ITGA6: variants seen among roughly 807,000 people sequenced by gnomAD.
The protein encoded by ITGA6 is integrin subunit alpha 6, also known as integrin alpha-6.
A neutral mutation model predicts 133.6 loss-of-function variants in ITGA6; 63 were observed. The observed-to-expected ratio is 0.47, with a 90% CI of 0.38 to 0.58. ITGA6 has a LOEUF of 0.58. Among genes scored for constraint, ITGA6 ranks in the 20% least tolerant of loss-of-function variants. The probability of loss-of-function intolerance (pLI) is 0.00; values close to 1 mark genes in which losing one functional copy is unlikely to be tolerated. For missense variants in ITGA6, 1,068 were observed against 1,309.4 expected (o/e 0.82, Z 2.85); for synonymous variants, 434 against 482.0 (o/e 0.90, Z 1.30).
intron 1 of ITGA6, among the ~76,000 whole-genome samples, chr2:172,434,987 C>T (rs1684256120): frequency 2.0e-5 from 3 of 150,928 alleles, no homozygotes; most frequent in Admixed American, 2.0e-4. Flanking sequence ...GTGGTTTCTT[C>T]ATTTTGAAAA....
At chr2:172,472,203 A>G (rs1169122406) in intron 5 of ITGA6, among the ~76,000 whole-genome samples, 1 of 152,204 alleles carries the variant, frequency 6.6e-6, no homozygotes, top group African/African-American at 2.4e-5. Flanking sequence ...ACACATCTGT[A>G]GTCCCAGCTA....
In ITGA6 at chr2:172,467,517, TG is replaced by T; in HGVS notation, c.349del (p.Val117SerfsTer13). 1.9e-6 allele frequency: 3 copies of T among 1,613,740 alleles called. No homozygotes were observed. Among genetic ancestry groups the T allele is most frequent in the Non-Finnish European group, 2.5e-6 (3 of 1,179,758 alleles). On this transcript the variant is annotated frameshift_variant, in exon 3 of 26. Coordinates refer to ENST00000684293, the MANE Select transcript of ITGA6 (RefSeq NM_000210.4). LOFTEE classifies it high-confidence loss of function. ...TCAGAAAGCAAGGAAGATCAGTGGA[TG>T]GGGGTCACCGTCCAGAGCCAAGGTC... ...PTSESKEDQW[M>X]GVTVQSQGPG...
At chr2:172,489,452 T>A in intron 19 of ITGA6, 33 bp from the exon 20 acceptor site, 1 of 1,521,576 alleles carries the variant, frequency 6.6e-7, no homozygotes, top group Non-Finnish European at 9.1e-7. Flanking sequence ...TTGAGAAGAT[T>A]AGACTGAGAT....
At chr2:172,431,831 CA>C (rs985233666) in intron 1 of ITGA6, among the ~76,000 whole-genome samples, 9 of 151,980 alleles carry the variant, frequency 5.9e-5, no homozygotes, top group Non-Finnish European at 1.3e-4. Flanking sequence ...CAAGTAATGA[CA>C]GGGTTGGGGA....
chr2:172,486,756 G>C (rs925487320), intron 13 of ITGA6, among the ~76,000 whole-genome samples: 1 of 152,160 alleles, frequency 6.6e-6, no homozygotes, highest in Non-Finnish European at 1.5e-5. Flanking sequence ...GTAGAGCTGC[G>C]TTTCAAACCC....
In ITGA6 at chr2:172,501,907, T is replaced by C. The variant is rs1439991818; in HGVS notation, c.*22+6T>C. On this transcript the variant is annotated splice_donor_region_variant and intron_variant, in intron 25 of 25. Transcript: ENST00000684293. ...TTGATCTACTTCTGTAATTGGTAAT[T>C]GATCAATGTTTTTTAATTGCTAGCT... 30 of 1,609,706 alleles carry C rather than the reference T, an allele frequency of 1.9e-5. No homozygotes were observed. Among genetic ancestry groups the C allele is most frequent in the Non-Finnish European group, 2.5e-5 (30 of 1,178,700 alleles).
Position 172,427,823 on chromosome 2 carries a change from T to G in ITGA6, c.35T>G (p.Leu12Arg), listed in dbSNP as rs1574301733. The G allele has an allele frequency of 1.2e-6, 2 of 1,603,112 alleles. No homozygotes were observed. Among genetic ancestry groups the G allele is most frequent in the Non-Finnish European group, 1.7e-6 (2 of 1,175,608 alleles). ...AAAGQLCLLY[L>R]SAGLLSRLGA... ...GCCGGGCAGCTGTGCTTGCTCTACCTGTCGGCGGGGCTCCTGTCCCGGCTC... is the reference window on the plus strand; with the variant it reads ...GCCGGGCAGCTGTGCTTGCTCTACCGGTCGGCGGGGCTCCTGTCCCGGCTC... The change falls in exon 1 of 26, where the codon CTG becomes CGG. Residue 12 changes from leucine to arginine, a missense_variant. By Grantham distance (102) the Leu-to-Arg change is moderately radical. This residue lies in a region of ITGA6 where 142 missense variants were observed against 145.3 expected (regional missense o/e 0.98). Coordinates refer to ENST00000684293, the MANE Select transcript of ITGA6 (RefSeq NM_000210.4).
chr2:172,474,111 T>G lies in ITGA6; in HGVS notation c.832T>G (p.Ser278Ala). 1.9e-6 allele frequency: 3 copies of G among 1,614,010 alleles called. No homozygotes were observed. In the East Asian group the frequency reaches 6.7e-5, roughly 36 times the overall value. Residue 278 changes from serine (S) to alanine (A), a missense_variant, in exon 6 of 26, where the codon TCT becomes GCT. By Grantham distance (99) the Ser-to-Ala change is moderately conservative. Coordinates refer to ENST00000684293, the MANE Select transcript of ITGA6 (RefSeq NM_000210.4). Reference sequence around the variant, plus strand: ...TTCTAAAGATGAGATCACTTTTGTATCTGGTGCTCCCAGAGCCAATCACAG... The same window carrying G: ...TTCTAAAGATGAGATCACTTTTGTAGCTGGTGCTCCCAGAGCCAATCACAG... ...IVSKDEITFV[S>A]GAPRANHSGA...
intron 1 of ITGA6, among the ~76,000 whole-genome samples, chr2:172,446,990 C>A (rs1684793499): frequency 6.6e-6 from 1 of 151,922 alleles, no homozygotes; most frequent in Non-Finnish European, 1.5e-5. Context: ...CTCCACCACC[C>A]AGGTCCAAGC....
chr2:172,468,918 C>T, intron 3 of ITGA6: 1 of 561,524 alleles, frequency 1.8e-6, no homozygotes, highest in South Asian at 2.2e-5. Flanking sequence ...GAATAAGGCA[C>T]ATTCTAGTTT....
chr2:172,451,347 C>T (rs1684991552), intron 1 of ITGA6, among the ~76,000 whole-genome samples: 1 of 147,724 alleles, frequency 6.8e-6, no homozygotes, highest in African/African-American at 2.5e-5. Flanking sequence ...CACCTGTAAT[C>T]CCAGCTACTC....
At chr2:172,470,098 G>T (rs6743724) in intron 4 of ITGA6, among the ~76,000 whole-genome samples, 67,109 of 151,990 alleles carry the variant, frequency 0.44, 16,530 homozygotes, top group East Asian at 0.83. Flanking sequence ...TTTGAGAAAT[G>T]TATTAATAAT....
intron 1 of ITGA6, among the ~76,000 whole-genome samples, chr2:172,434,663 A>G (rs1684244054): frequency 6.6e-6 from 1 of 152,024 alleles, no homozygotes; most frequent in Non-Finnish European, 1.5e-5. Context: ...GTACCACTAA[A>G]CGCAAGTCAC....
At chr2:172,503,830 G>A (rs1687446737) in intron 25 of ITGA6, 1 of 260,582 alleles carries the variant, frequency 3.8e-6, no homozygotes, top group African/African-American at 2.2e-5. Context: ...TTAGTAAAGA[G>A]GTAGCCTACA....
chr2:172,489,465 T>C lies in ITGA6; in HGVS notation c.2506-20T>C. 4 of 1,575,968 alleles carry C rather than the reference T, an allele frequency of 2.5e-6. No homozygotes were observed. Among genetic ancestry groups the C allele is most frequent in the Non-Finnish European group, 3.5e-6 (4 of 1,145,370 alleles). ...CATTGAGAAGATTAGACTGAGATAA[T>C]ATGTATTATTTTCTAACAGGTAATA... On this transcript the variant is annotated intron_variant, in intron 19 of 25. Transcript: ENST00000684293.
chr2:172,448,151 G>A (rs973039629), intron 1 of ITGA6, among the ~76,000 whole-genome samples: 3 of 152,184 alleles, frequency 2.0e-5, no homozygotes, highest in African/African-American at 7.2e-5. Flanking sequence ...GGATAAAATT[G>A]CTGGTCTTGT....
rs748943013 is a variant in ITGA6 at position 172,474,069 on chromosome 2, T to C, written c.790T>C (p.Ser264Pro). The C allele has an allele frequency of 3.7e-6, 6 of 1,612,946 alleles. No homozygotes were observed. Among genetic ancestry groups the C allele is most frequent in the Non-Finnish European group, 5.1e-6 (6 of 1,179,802 alleles). Reference protein sequence around the residue: ...ANSYLGFSLDSGKGIVSKDEI... With the variant: ...ANSYLGFSLDPGKGIVSKDEI... ...TGTTTTTCTAGGTTTTTCTTTGGAC[T>C]CAGGGAAAGGTATTGTTTCTAAAGA... Residue 264 changes from serine to proline, a missense_variant, in exon 6 of 26, where the codon TCA becomes CCA. By Grantham distance (74) the Ser-to-Pro change is moderately conservative (BLOSUM62 -1). Coordinates refer to ENST00000684293, the MANE Select transcript of ITGA6 (RefSeq NM_000210.4).
At chr2:172,465,493 C>T (rs752571173) in intron 1 of ITGA6, 46 bp from the exon 2 acceptor site, 8 of 1,609,920 alleles carry the variant, frequency 5.0e-6, no homozygotes, top group South Asian at 4.4e-5. Context: ...AACTGTTAAA[C>T]GTATATTAAA....
In ITGA6 at chr2:172,486,001, A is replaced by AC. The variant is rs555183756; in HGVS notation, c.1854+741dup. Reference sequence around the variant, plus strand: ...AGACCAGCCTGGCCAACATGGTGAAACCCCGTCTCTAGTGAAAATACAAAA... The same window carrying AC: ...AGACCAGCCTGGCCAACATGGTGAAACCCCCGTCTCTAGTGAAAATACAAAA... On this transcript the variant is annotated intron_variant, in intron 13 of 25. Transcript: ENST00000684293. Among the ~76,000 whole-genome samples, 13 of 152,044 alleles carry AC rather than the reference A, an allele frequency of 8.6e-5. No homozygotes were observed. The East Asian group carries it at 2.3e-3, about 27-fold the overall frequency.
Sources: gnomAD v4.1 joint callset for allele counts (sites outside exome capture counted in the v4.1 genomes callset) on GRCh38, gnomAD v4.1.1 for gene constraint, gnomAD v4.1.1 regional missense constraint, MANE v1.5 for transcripts, NCBI Gene and HGNC (gene_info 2026-07-23, HGNC 2026-07-21) for gene names.